The following VWC2 variants were observed in gnomAD, a reference collection of about 807,000 sequenced individuals.
VWC2 encodes von Willebrand factor C domain containing 2, also known as brorin.
In VWC2, 14 loss-of-function variants were observed where a neutral mutation model predicts 29.8. That is an observed-to-expected ratio of 0.47 (90% CI 0.31 to 0.74). The LOEUF (loss-of-function observed/expected upper bound fraction) is 0.74. Ranked by LOEUF, VWC2 falls within the 30% of genes least tolerant of loss-of-function variation. VWC2 has a pLI of 0.05. For missense variants in VWC2, 457 were observed against 459.8 expected (o/e 0.99, Z 0.05); for synonymous variants, 213 against 199.0 (o/e 1.07, Z -0.59).
rs527455835 is a variant in VWC2 at position 49,788,671 on chromosome 7, C to A, written c.696+12540C>A. Among the ~76,000 whole-genome samples, 4 of 127,326 alleles carry A rather than the reference C, an allele frequency of 3.1e-5. No homozygotes were observed. In the South Asian group the frequency reaches 1.0e-3, roughly 33 times the overall value. 83.5% of individuals were successfully genotyped at this position (127,326 alleles called of 152,430 possible). On this transcript the variant is annotated intron_variant, in intron 2 of 3. Coordinates refer to ENST00000340652, the MANE Select transcript of VWC2 (RefSeq NM_198570.5). ...AGTGTGGATGTGTGGGTATGAGAGT[C>A]TGTGAGTGTGGGTGTGTGAGGGTGT...
At chr7:49,870,251 T>TG (rs1791089935) in intron 3 of VWC2, among the ~76,000 whole-genome samples, 1 of 151,948 alleles carries the variant, frequency 6.6e-6, no homozygotes, top group African/African-American at 2.4e-5. Context: ...ATACAAAAAA[T>TG]TAGCTGGGCA....
chr7:49,869,013 A>G (rs1192091728), intron 3 of VWC2, among the ~76,000 whole-genome samples: 3 of 152,216 alleles, frequency 2.0e-5, no homozygotes, highest in Admixed American at 2.0e-4. Flanking sequence ...GGGATAAGCT[A>G]TGAATTAAGA....
At chr7:49,911,045 T>C (rs926701069) in intron 3 of VWC2, among the ~76,000 whole-genome samples, 1 of 152,244 alleles carries the variant, frequency 6.6e-6, no homozygotes, top group African/African-American at 2.4e-5. Flanking sequence ...ATATCTCTGC[T>C]GAAAGTGTCC....
At position 49,912,600 on chromosome 7, in the gene VWC2, CCCT is replaced by C. The variant is rs1281132903; in HGVS notation, c.*416_*418del. The C allele has an allele frequency of 1.9e-5, 3 of 156,300 alleles. No homozygotes were observed. Among genetic ancestry groups the C allele is most frequent in the Admixed American group, 1.9e-4 (3 of 15,828 alleles). The allele number at this position is 156,300 out of a possible 1,614,324, so 9.7% of individuals were successfully genotyped here. ...TGATTCCATCACCCAGGAATGTTCCCCCTGCACATTTTCACAGGGCAGAGTCAC... is the reference window on the plus strand; with the variant it reads ...TGATTCCATCACCCAGGAATGTTCCCGCACATTTTCACAGGGCAGAGTCAC... On this transcript the variant is annotated 3_prime_UTR_variant, in exon 4 of 4. Transcript: ENST00000340652.
chr7:49,822,910 TTGG>T (rs1789296582), intron 3 of VWC2, among the ~76,000 whole-genome samples: 1 of 152,208 alleles, frequency 6.6e-6, no homozygotes, highest in African/African-American at 2.4e-5. Flanking sequence ...CATTTACTAC[TTGG>T]TGGAGATTTG....
intron 3 of VWC2, among the ~76,000 whole-genome samples, chr7:49,877,730 G>A (rs1791500915): frequency 6.7e-6 from 1 of 149,776 alleles, no homozygotes; most frequent in Admixed American, 6.7e-5. Flanking sequence ...ACACTCTGGA[G>A]AGCCACTCAC....
At chr7:49,805,693 TA>T (rs958959145) in intron 3 of VWC2, among the ~76,000 whole-genome samples, 8 of 152,296 alleles carry the variant, frequency 5.3e-5, no homozygotes, top group African/African-American at 1.9e-4. Context: ...AATGTTCTTG[TA>T]AAAAAATTAT....
In VWC2 at chr7:49,872,859, T is replaced by G. The variant is rs573875543; in HGVS notation, c.827-39175T>G. Among the ~76,000 whole-genome samples the G allele has an allele frequency of 6.8e-4, 84 of 123,736 alleles. 2 individuals are homozygous for G. In the Middle Eastern group the frequency reaches 0.025, roughly 37 times the overall value. The allele number at this position is 123,736 out of a possible 152,430, so 81.2% of individuals were successfully genotyped here. A position where few individuals can be genotyped will look rare whatever the true frequency, so the allele number is the denominator to read the frequency against. The stretch of plus-strand genomic sequence containing the variant: ...TGAAACCAGGAGGCAGAGGTTGCAG[T>G]GACCCGAGATCATGCCATTGCACTC... On this transcript the variant is annotated intron_variant, in intron 3 of 3. Coordinates refer to ENST00000340652, the MANE Select transcript of VWC2 (RefSeq NM_198570.5).
At chr7:49,827,037 C>T (rs1448520217) in intron 3 of VWC2, among the ~76,000 whole-genome samples, 2 of 152,020 alleles carry the variant, frequency 1.3e-5, no homozygotes, top group East Asian at 1.9e-4. Context: ...TACACTTATA[C>T]ATAAGAATAC....
At chr7:49,860,174 T>C (rs927106410) in intron 3 of VWC2, among the ~76,000 whole-genome samples, 2 of 152,190 alleles carry the variant, frequency 1.3e-5, no homozygotes, top group African/African-American at 4.8e-5. Flanking sequence ...ATTCACAAGG[T>C]TGTGCAATCA....
rs1793694733 is a variant in VWC2 at position 49,915,858 on chromosome 7, A to C, written c.*3673A>C. 1.3e-5 allele frequency: 2 copies of C among 152,198 alleles called. No homozygotes were observed. The highest frequency in any genetic ancestry group is 4.8e-5 in the African/African-American group (2 of 41,442). 9.4% of individuals were successfully genotyped at this position (152,198 alleles called of 1,614,324 possible). ...TGTACAAATAAGCATCATTGGTAAA[A>C]ACATACATGCTTCTTTGGCCAACAT... On this transcript the variant is annotated 3_prime_UTR_variant, in exon 4 of 4. Coordinates refer to ENST00000340652, the MANE Select transcript of VWC2 (RefSeq NM_198570.5).
chr7:49,916,395 T>C lies in VWC2; in HGVS notation c.*4210T>C, dbSNP rs1188481482. On this transcript the variant is annotated 3_prime_UTR_variant, in exon 4 of 4. Transcript: ENST00000340652. ...CCTGCCCTGAGTGTCCTTTGCAGCATGTTGAGTATTAGCCATTTTCAATGT... is the reference window on the plus strand; with the variant it reads ...CCTGCCCTGAGTGTCCTTTGCAGCACGTTGAGTATTAGCCATTTTCAATGT... The C allele has an allele frequency of 2.6e-5, 4 of 152,204 alleles. No individual in the cohort carries two copies. The highest frequency in any genetic ancestry group is 9.7e-5 in the African/African-American group (4 of 41,448). 9.4% of individuals were successfully genotyped at this position (152,204 alleles called of 1,614,324 possible). A position where few individuals can be genotyped will look rare whatever the true frequency, so the allele number is the denominator to read the frequency against.
In VWC2 at chr7:49,830,929, T is replaced by C. The variant is rs565769130; in HGVS notation, c.826+28089T>C. Among the ~76,000 whole-genome samples, 17 of 152,290 alleles carry C rather than the reference T, an allele frequency of 1.1e-4. No individual in the cohort carries two copies. In the South Asian group the frequency reaches 3.1e-3, roughly 28 times the overall value. On this transcript the variant is annotated intron_variant, in intron 3 of 3. Coordinates refer to ENST00000340652, the MANE Select transcript of VWC2 (RefSeq NM_198570.5). ...AATCCAGTCTATCATTGATGGACATTTGGGTTGGTTCCAAGTCTTTGCTAT... is the reference window on the plus strand; with the variant it reads ...AATCCAGTCTATCATTGATGGACATCTGGGTTGGTTCCAAGTCTTTGCTAT...
At chr7:49,807,504 A>T (rs891024874) in intron 3 of VWC2, among the ~76,000 whole-genome samples, 47 of 152,214 alleles carry the variant, frequency 3.1e-4, no homozygotes, top group African/African-American at 1.1e-3. Flanking sequence ...TGTGTGACTA[A>T]CCTGACATCA....
chr7:49,859,720 G>A, intron 3 of VWC2, among the ~76,000 whole-genome samples: 1 of 152,186 alleles, frequency 6.6e-6, no homozygotes, highest in Non-Finnish European at 1.5e-5. Context: ...TCCTCAGAAT[G>A]ATCTTGATTA....
At chr7:49,812,193 A>G (rs1351335459) in intron 3 of VWC2, among the ~76,000 whole-genome samples, 1 of 152,232 alleles carries the variant, frequency 6.6e-6, no homozygotes, top group Non-Finnish European at 1.5e-5. Context: ...GAGGGAATTT[A>G]TTGAGGTGAT....
chr7:49,842,355 A>C (rs1343125810), intron 3 of VWC2, among the ~76,000 whole-genome samples: 3 of 152,240 alleles, frequency 2.0e-5, no homozygotes, highest in Non-Finnish European at 2.9e-5. Flanking sequence ...CTTACTTAAA[A>C]GTTACTAAAA....
intron 2 of VWC2, among the ~76,000 whole-genome samples, chr7:49,797,793 C>G (rs1788630093): frequency 6.6e-6 from 1 of 152,212 alleles, no homozygotes; most frequent in African/African-American, 2.4e-5. Context: ...TTTCCCTACT[C>G]CTGGCACACA....
At chr7:49,815,209 T>G (rs751072690) in intron 3 of VWC2, among the ~76,000 whole-genome samples, 1 of 152,164 alleles carries the variant, frequency 6.6e-6, no homozygotes, top group Non-Finnish European at 1.5e-5. Flanking sequence ...AGTCTAGAGG[T>G]GAGGTAGCCT....
Sources: gnomAD v4.1 joint callset for allele counts (sites outside exome capture counted in the v4.1 genomes callset) on GRCh38, gnomAD v4.1.1 for gene constraint, MANE v1.5 for transcripts, NCBI Gene and HGNC (gene_info 2026-07-23, HGNC 2026-07-21) for gene names.